The following RPSA2 variants were observed in gnomAD, a reference collection of about 807,000 sequenced individuals.
RPSA2 encodes the protein ribosomal protein SA 2.
chr19:23,785,288 G>C, the RPSA2 span, among the ~76,000 whole-genome samples: 22 of 152,102 alleles, frequency 1.4e-4, no homozygotes, highest in Non-Finnish European at 2.9e-4. Context: ...ATGTGAATTT[G>C]CTTTTTTTCC....
the RPSA2 span, among the ~76,000 whole-genome samples, chr19:23,767,118 T>G: frequency 5.3e-5 from 8 of 151,744 alleles, no homozygotes; most frequent in Non-Finnish European, 8.8e-5. Flanking sequence ...CTAATTGTAT[T>G]TTTAGTAGAG....
chr19:23,871,087 A>T, the RPSA2 span, among the ~76,000 whole-genome samples: 148,910 of 152,234 alleles, frequency 0.98, 72,921 homozygotes, highest in Middle Eastern at 1. Context: ...TTACTCAATA[A>T]ATATAAAGGG....
the RPSA2 span, among the ~76,000 whole-genome samples, chr19:23,810,977 T>C: frequency 6.6e-6 from 1 of 151,772 alleles, no homozygotes. Flanking sequence ...ACAACTCCCT[T>C]CCTGGATCTC....
At chr19:23,825,257 A>G in the RPSA2 span, among the ~76,000 whole-genome samples, 3 of 152,036 alleles carry the variant, frequency 2.0e-5, no homozygotes, top group African/African-American at 7.2e-5. Flanking sequence ...AATAAGTTTT[A>G]CATTCCATGT....
chr19:23,858,730 C>T, the RPSA2 span, among the ~76,000 whole-genome samples: 2 of 152,168 alleles, frequency 1.3e-5, no homozygotes, highest in African/African-American at 4.8e-5. Context: ...AATGGTAGCT[C>T]CATCTTCCCT....
At chr19:23,797,402 C>T in the RPSA2 span, among the ~76,000 whole-genome samples, 1 of 152,210 alleles carries the variant, frequency 6.6e-6, no homozygotes, top group Non-Finnish European at 1.5e-5. Context: ...GCCACCATGC[C>T]CAGCCCTGGC....
the RPSA2 span, among the ~76,000 whole-genome samples, chr19:23,870,132 TC>T: frequency 6.6e-6 from 1 of 152,194 alleles, no homozygotes. Flanking sequence ...AACTTACTCA[TC>T]ATGCCTGTAG....
At chr19:23,837,863 G>A in the RPSA2 span, among the ~76,000 whole-genome samples, 12 of 152,074 alleles carry the variant, frequency 7.9e-5, no homozygotes, top group Non-Finnish European at 1.8e-4. Context: ...AGTCCTTAGG[G>A]TTTTCAAGGT....
the RPSA2 span, among the ~76,000 whole-genome samples, chr19:23,796,591 G>C: frequency 6.6e-6 from 1 of 151,886 alleles, no homozygotes; most frequent in East Asian, 1.9e-4. Flanking sequence ...GGCTTTATTT[G>C]GTTGGTTGGC....
At chr19:23,826,023 TTTC>T in the RPSA2 span, among the ~76,000 whole-genome samples, 1 of 69,384 alleles carries the variant, frequency 1.4e-5, no homozygotes, top group Non-Finnish European at 2.9e-5. Context: ...TTATTGTTTA[TTTC>T]TTGTCAAAAA....
chr19:23,766,096 T>G, the RPSA2 span, among the ~76,000 whole-genome samples: 1 of 151,898 alleles, frequency 6.6e-6, no homozygotes, highest in Non-Finnish European at 1.5e-5. Context: ...TGTCATTGTT[T>G]AATAGAACTT....
the RPSA2 span, among the ~76,000 whole-genome samples, chr19:23,768,303 T>G: frequency 6.6e-6 from 1 of 151,994 alleles, no homozygotes; most frequent in Non-Finnish European, 1.5e-5. Flanking sequence ...CTATACAAAG[T>G]GAATACATTT....
chr19:23,824,580 C>CTTTCTTTCTTTTTT, the RPSA2 span, among the ~76,000 whole-genome samples: 3 of 63,822 alleles, frequency 4.7e-5, no homozygotes, highest in African/African-American at 1.2e-4. Flanking sequence ...TATAGCATTT[C>CTTTCTTTCTTTTTT]TTTTTTTTTT....
the RPSA2 span, among the ~76,000 whole-genome samples, chr19:23,766,335 A>T: frequency 6.6e-6 from 1 of 150,952 alleles, no homozygotes; most frequent in Non-Finnish European, 1.5e-5. Context: ...GTACCCTTTA[A>T]AAAATTATTT....
chr19:23,845,833 ATGT>A, the RPSA2 span, among the ~76,000 whole-genome samples: 1 of 146,688 alleles, frequency 6.8e-6, no homozygotes, highest in Admixed American at 7.1e-5. Flanking sequence ...GTTTGGGATC[ATGT>A]TGTTTTAATT....
the RPSA2 span, chr19:23,831,880 C>T: frequency 3.4e-6 from 1 of 293,368 alleles, no homozygotes. Context: ...TGGAAGAAAA[C>T]CTTTCAAATG....
chr19:23,772,431 G>GTA, the RPSA2 span, among the ~76,000 whole-genome samples: 1 of 152,122 alleles, frequency 6.6e-6, no homozygotes, highest in South Asian at 2.1e-4. Context: ...CAGGTTAAAT[G>GTA]GTGACATATA....
the RPSA2 span, among the ~76,000 whole-genome samples, chr19:23,802,970 A>T: frequency 6.6e-6 from 1 of 152,220 alleles, no homozygotes; most frequent in Non-Finnish European, 1.5e-5. Context: ...ACACTTATTT[A>T]TCTTCTAAAA....
At chr19:23,845,963 G>T in the RPSA2 span, among the ~76,000 whole-genome samples, 1 of 152,078 alleles carries the variant, frequency 6.6e-6, no homozygotes, top group Non-Finnish European at 1.5e-5. Context: ...TTGTTGATTT[G>T]CCAGCTTTCC....
Sources: allele counts gnomAD v4.1 joint callset (sites outside exome capture counted in the v4.1 genomes callset), GRCh38; gene constraint gnomAD v4.1.1; transcripts MANE v1.5; gene names NCBI Gene and HGNC (gene_info 2026-07-23, HGNC 2026-07-21).